Variants in GRIK1 observed in about 807,000 individuals in gnomAD.
GRIK1 encodes glutamate ionotropic receptor kainate type subunit 1.
Under a neutral mutation model 105.7 loss-of-function variants are expected in GRIK1, and 69 were observed. That is an observed-to-expected ratio of 0.65 (90% confidence interval 0.54 to 0.80). The LOEUF (loss-of-function observed/expected upper bound fraction) is 0.80. GRIK1 is among the 30% of genes least tolerant of loss of function. The pLI is 0.00. For missense variants in GRIK1, 1,109 were observed against 1,167.3 expected, an observed-to-expected ratio of 0.95 and a Z score of 0.73; for synonymous variants, 438 against 431.3, an observed-to-expected ratio of 1.02 and a Z score of -0.19.
chr21:29,576,873 T>TTTTTTC (rs2090907714), intron 14 of GRIK1, 91 bp downstream of exon 14: 6 of 762,234 alleles, frequency 7.9e-6, no homozygotes, highest in Non-Finnish European at 1.3e-5. Context: ...TCTTTTTTTC[T>TTTTTTC]TTTTTCTTTT....
At chr21:29,909,585 C>T (rs1206812265) in intron 1 of GRIK1, among the ~76,000 whole-genome samples, 1 of 152,062 alleles carries the variant, frequency 6.6e-6, no homozygotes, top group East Asian at 1.9e-4. Flanking sequence ...CATTTTAACA[C>T]ATTCAAACTA....
At chr21:29,693,710 C>T (rs918210565) in intron 2 of GRIK1, among the ~76,000 whole-genome samples, 186 bp downstream of exon 2, 1 of 152,132 alleles carries the variant, frequency 6.6e-6, no homozygotes, top group African/African-American at 2.4e-5. Context: ...GCCCAGAAAA[C>T]AGTGCTCAGC....
chr21:29,629,233 T>C (rs893447084), intron 7 of GRIK1, among the ~76,000 whole-genome samples: 4 of 150,192 alleles, frequency 2.7e-5, no homozygotes, highest in African/African-American at 4.9e-5. Flanking sequence ...TGTGTGTGTG[T>C]GCTATTTGCA....
chr21:29,825,350 T>C (rs1293851439), intron 1 of GRIK1, among the ~76,000 whole-genome samples: 1 of 152,054 alleles, frequency 6.6e-6, no homozygotes, highest in African/African-American at 2.4e-5. Flanking sequence ...AAGTTAGTGA[T>C]GATGTAAAGA....
chr21:29,617,479 G>A (rs535971987), intron 7 of GRIK1, among the ~76,000 whole-genome samples: 2 of 152,292 alleles, frequency 1.3e-5, no homozygotes, highest in Non-Finnish European at 2.9e-5. Context: ...AGTTAATAAA[G>A]TGATGCTCTT....
At position 29,597,105 on chromosome 21, in the gene GRIK1, A is replaced by T. The variant is rs564455167; in HGVS notation, c.1207-535T>A. Reference sequence around the variant, plus strand: ...ATTTTTCTAATAATTTTCCCTATTGACTCCAAGAGAGGCTGACATAAAAAG... The same window carrying T: ...ATTTTTCTAATAATTTTCCCTATTGTCTCCAAGAGAGGCTGACATAAAAAG... On this transcript the variant is annotated intron_variant, in intron 8 of 17. Transcript: ENST00000327783. 2.0e-4 allele frequency among the ~76,000 whole-genome samples: 30 copies of T among 152,218 alleles called. No homozygotes were observed. In the South Asian group the frequency reaches 5.8e-3, roughly 29 times the overall value.
chr21:29,697,685 ACATGTGGGCAGACTGTTTAACGAT>A (rs1347927893), intron 1 of GRIK1, among the ~76,000 whole-genome samples: 1 of 152,078 alleles, frequency 6.6e-6, no homozygotes, highest in Non-Finnish European at 1.5e-5. Flanking sequence ...CCATTACCTC[ACATGTGGGCAGACTGTTTAACGAT>A]CAGCCACTTC....
At chr21:29,724,962 C>T (rs945401648) in intron 1 of GRIK1, among the ~76,000 whole-genome samples, 1 of 148,272 alleles carries the variant, frequency 6.7e-6, no homozygotes, top group Non-Finnish European at 1.5e-5. Flanking sequence ...TGACTTTAGT[C>T]GAATTCCTTC....
intron 7 of GRIK1, among the ~76,000 whole-genome samples, chr21:29,618,994 T>C (rs570500934): frequency 6.1e-4 from 90 of 148,672 alleles, no homozygotes; most frequent in Non-Finnish European, 1.1e-3. Flanking sequence ...GGTGTGGTGG[T>C]GGGCGCTTGT....
At chr21:29,893,308 C>T (rs1443221045) in intron 1 of GRIK1, among the ~76,000 whole-genome samples, 1 of 152,094 alleles carries the variant, frequency 6.6e-6, no homozygotes, top group Non-Finnish European at 1.5e-5. Context: ...GTTTCTTCAT[C>T]TACAAAATAG....
chr21:29,616,609 C>T (rs2061856765), intron 7 of GRIK1, among the ~76,000 whole-genome samples: 1 of 152,192 alleles, frequency 6.6e-6, no homozygotes, highest in Non-Finnish European at 1.5e-5. Context: ...GCTGAGGATT[C>T]TGGGGCTTCA....
chr21:29,625,205 A>C (rs1244318412), intron 7 of GRIK1, among the ~76,000 whole-genome samples: 2 of 152,200 alleles, frequency 1.3e-5, no homozygotes, highest in Non-Finnish European at 1.5e-5. Flanking sequence ...ACAGGGGTAG[A>C]GGACGGGCAA....
At chr21:29,815,544 A>G (rs2067132654) in intron 1 of GRIK1, among the ~76,000 whole-genome samples, 1 of 152,134 alleles carries the variant, frequency 6.6e-6, no homozygotes, top group Admixed American at 6.6e-5. Context: ...CTGCAGCATC[A>G]TTTTTCTTCT....
intron 4 of GRIK1, among the ~76,000 whole-genome samples, chr21:29,671,380 C>T (rs1359899326): frequency 6.6e-6 from 1 of 151,726 alleles, no homozygotes; most frequent in Non-Finnish European, 1.5e-5. Flanking sequence ...CCACCTTAAC[C>T]TCCCAACTCC....
chr21:29,938,924 C>T (rs1447341890), intron 1 of GRIK1, among the ~76,000 whole-genome samples: 2 of 152,134 alleles, frequency 1.3e-5, no homozygotes, highest in Admixed American at 6.5e-5. Flanking sequence ...CTAGTGGTCC[C>T]TGTATTGTAT....
intron 14 of GRIK1, among the ~76,000 whole-genome samples, chr21:29,567,161 T>A (rs1298043312): frequency 6.6e-6 from 1 of 152,236 alleles, no homozygotes; most frequent in African/African-American, 2.4e-5. Flanking sequence ...GTTTATATTG[T>A]TTCCTTTCCT....
chr21:29,879,673 A>G (rs2069325514), intron 1 of GRIK1, among the ~76,000 whole-genome samples: 1 of 152,170 alleles, frequency 6.6e-6, no homozygotes, highest in African/African-American at 2.4e-5. Context: ...TAAAACTAGT[A>G]GAACAATTAG....
intron 8 of GRIK1, chr21:29,597,524 G>A (rs2061438094): frequency 3.9e-6 from 1 of 256,572 alleles, no homozygotes; most frequent in African/African-American, 2.3e-5. Context: ...AAAAATTATA[G>A]GCTTTTAGAT....
In GRIK1 at chr21:29,785,039, C is replaced by T. The variant is rs146556168; in HGVS notation, c.119-90976G>A. On this transcript the variant is annotated intron_variant, in intron 1 of 17. Transcript: ENST00000327783. ...TGAAGTTGCAGCAAAACAAAACAAA[C>T]CCAGGGTGATTAGTCAATTCATAAA... is the stretch of plus-strand genomic sequence containing the variant. Among the ~76,000 whole-genome samples, 116 of 152,214 alleles carry T rather than the reference C, an allele frequency of 7.6e-4. 1 individual carries two copies. In the Middle Eastern group the frequency reaches 0.01, roughly 13 times the overall value.
Sources: gnomAD v4.1 joint callset for allele counts (sites outside exome capture counted in the v4.1 genomes callset) on GRCh38, gnomAD v4.1.1 for gene constraint, MANE v1.5 for transcripts, NCBI Gene and HGNC (gene_info 2026-07-23, HGNC 2026-07-21) for gene names.